The following AGFG1 variants were observed in gnomAD, a reference collection of about 807,000 sequenced individuals.
AGFG1 encodes the protein ArfGAP with FG repeats 1, also known as arf-GAP domain and FG repeat-containing protein 1.
AGFG1 carries 10 observed loss-of-function variants against 60.6 expected under a neutral mutation model. That is an observed-to-expected ratio of 0.16 (90% CI 0.10 to 0.28). The LOEUF is 0.28. Ranked by LOEUF, AGFG1 falls within the 10% of genes least tolerant of loss-of-function variation. The probability of loss-of-function intolerance (pLI) is 1.00; values close to 1 mark genes in which losing one functional copy is unlikely to be tolerated. For synonymous variants in AGFG1, 247 were observed against 242.9 expected, an observed-to-expected ratio of 1.02 and a Z score of -0.16; for missense variants, 537 against 676.5, an observed-to-expected ratio of 0.79 and a Z score of 2.29.
chr2:227,498,410 A>G (rs1691047567), intron 2 of AGFG1, among the ~76,000 whole-genome samples: 1 of 152,210 alleles, frequency 6.6e-6, no homozygotes, highest in South Asian at 2.1e-4. Context: ...AGCTTCCTAG[A>G]GGGATATCTC....
In AGFG1 at chr2:227,539,449, AAC is replaced by A. The variant is rs1313934809; in HGVS notation, c.1378+2458_1378+2459del. On this transcript the variant is annotated intron_variant, in intron 10 of 12. Transcript: ENST00000310078. ...CAGAGCAAGACTCTGTCTCAAAAAA[AAC>A]AAAAAACACATGTTAACACTGTGAA... is the stretch of plus-strand genomic sequence containing the variant. 9.8e-5 allele frequency among the ~76,000 whole-genome samples: 14 copies of A among 142,794 alleles called. 2 individuals carry two copies. The highest frequency in any genetic ancestry group is 3.3e-4 in the African/African-American group (13 of 38,888). The allele number at this position is 142,794 out of a possible 152,430, so 93.7% of individuals were successfully genotyped here.
At chr2:227,489,503 T>TGA (rs1258176697) in intron 1 of AGFG1, among the ~76,000 whole-genome samples, 1 of 152,012 alleles carries the variant, frequency 6.6e-6, no homozygotes, top group Non-Finnish European at 1.5e-5. Flanking sequence ...ATTACAGGTG[T>TGA]GAGCCACCAC....
chr2:227,503,141 G>T (rs1271283728), intron 2 of AGFG1, among the ~76,000 whole-genome samples: 1 of 151,912 alleles, frequency 6.6e-6, no homozygotes, highest in Non-Finnish European at 1.5e-5. Context: ...GCTGAGGTGG[G>T]GGGATCACCT....
chr2:227,506,758 CT>C (rs1349131040), intron 2 of AGFG1, among the ~76,000 whole-genome samples: 1 of 152,012 alleles, frequency 6.6e-6, no homozygotes, highest in Non-Finnish European at 1.5e-5. Flanking sequence ...CCTTTTAAGT[CT>C]TTTTTTATCC....
intron 10 of AGFG1, among the ~76,000 whole-genome samples, chr2:227,544,801 C>CTTG (rs1385674250): frequency 6.6e-6 from 1 of 152,158 alleles, no homozygotes; most frequent in Non-Finnish European, 1.5e-5. Context: ...TCTTTTCTGG[C>CTTG]TTGTAGAGTT....
At chr2:227,501,053 C>G (rs1048843323) in intron 2 of AGFG1, among the ~76,000 whole-genome samples, 4 of 151,974 alleles carry the variant, frequency 2.6e-5, no homozygotes, top group Admixed American at 6.5e-5. Flanking sequence ...CTCAGCCTCT[C>G]AAAGTGCTGG....
At chr2:227,478,278 A>C (rs985542589) in intron 1 of AGFG1, among the ~76,000 whole-genome samples, 2 of 150,924 alleles carry the variant, frequency 1.3e-5, no homozygotes, top group Non-Finnish European at 1.5e-5. Flanking sequence ...ATACATATAC[A>C]TGTATCTATT....
intron 1 of AGFG1, among the ~76,000 whole-genome samples, chr2:227,476,002 T>A (rs548857821): frequency 6.6e-5 from 10 of 152,360 alleles, no homozygotes; most frequent in East Asian, 5.8e-4. Context: ...TACCTTTTTT[T>A]AAAATAAATT....
At chr2:227,553,910 ACAT>A (rs1692895910) in intron 12 of AGFG1, 115 bp downstream of exon 12, 1 of 712,392 alleles carries the variant, frequency 1.4e-6, no homozygotes, top group Admixed American at 2.6e-5. Context: ...GATATGAGTG[ACAT>A]CATAAGATTG....
intron 2 of AGFG1, among the ~76,000 whole-genome samples, chr2:227,503,623 G>A (rs1691223079): frequency 6.6e-6 from 1 of 152,190 alleles, no homozygotes; most frequent in Non-Finnish European, 1.5e-5. Flanking sequence ...GGGAGTTGAT[G>A]ACTCAGTCAC....
chr2:227,546,566 C>G (rs1023577119), intron 10 of AGFG1, among the ~76,000 whole-genome samples: 1 of 152,238 alleles, frequency 6.6e-6, no homozygotes, highest in Non-Finnish European at 1.5e-5. Flanking sequence ...TCTTCTGCGT[C>G]ACTCACGCTG....
At chr2:227,536,231 CTTG>C (rs1692309671) in intron 8 of AGFG1, among the ~76,000 whole-genome samples, 1 of 119,802 alleles carries the variant, frequency 8.3e-6, no homozygotes, top group Admixed American at 1.2e-4. Context: ...ATGTGTTGTT[CTTG>C]TTGTTCAACT....
In AGFG1 at chr2:227,472,532, C is replaced by T. The variant is rs1233108714; in HGVS notation, c.111C>T (p.Pro37=). 2 of 1,583,126 alleles carry T rather than the reference C, an allele frequency of 1.3e-6. No individual in the cohort carries two copies. The highest frequency in any genetic ancestry group is 8.6e-7 in the Non-Finnish European group (1 of 1,164,508). Residue 37 remains proline, a synonymous_variant, in exon 1 of 13, where the codon CCC becomes CCT. Coordinates refer to ENST00000310078, the MANE Select transcript of AGFG1 (RefSeq NM_004504.5). The part of the protein sequence containing the change: ...RKCFDCDQRG[P]TYVNMTVGSF... ...GCTTCGACTGCGACCAGCGCGGCCC[C>T]ACCTACGTTAACATGACGGTCGGCT...
At chr2:227,540,969 T>A (rs1018313800) in intron 10 of AGFG1, among the ~76,000 whole-genome samples, 6 of 152,246 alleles carry the variant, frequency 3.9e-5, no homozygotes, top group African/African-American at 1.4e-4. Flanking sequence ...TTTCTTCATG[T>A]GTCTGTTGGC....
rs181559703 is a variant in AGFG1 at position 227,524,777 on chromosome 2, C to T, written c.556C>T (p.Arg186Cys). ...TGGTTTGTAGTCCCCAGTTGTAGGTCGTTCTCAAGGGCAGCAGCAGGAGAA... is the reference window on the plus strand; with the variant it reads ...TGGTTTGTAGTCCCCAGTTGTAGGTTGTTCTCAAGGGCAGCAGCAGGAGAA... Reference protein sequence around the residue: ...GTPSQSPVVGRSQGQQQEKKQ... With the variant: ...GTPSQSPVVGCSQGQQQEKKQ... Residue 186 changes from arginine (R) to cysteine (C), a missense_variant, in exon 5 of 13, where the codon CGT becomes TGT. Around this residue, in one of 4 missense-constraint regions of AGFG1, gnomAD observed 102 missense variants for 82.9 expected, o/e 1.23. Transcript: ENST00000310078. 1.6e-4 allele frequency: 263 copies of T among 1,614,068 alleles called. No homozygotes were observed. The highest frequency in any genetic ancestry group is 6.7e-5 in the East Asian group (3 of 44,880).
intron 10 of AGFG1, among the ~76,000 whole-genome samples, chr2:227,544,200 C>A (rs1156716729): frequency 1.5e-5 from 2 of 133,782 alleles, no homozygotes; most frequent in Admixed American, 1.8e-4. Flanking sequence ...TGTCACCCAG[C>A]CTGGAGTGCA....
Position 227,559,790 on chromosome 2 carries a change from A to T in AGFG1, c.*5295A>T, listed in dbSNP as rs1693084019. Reference sequence around the variant, plus strand: ...AACGCCAAGGAGCCTTCTAATTTTGACTATATGATCATTAACTAAAGGCAG... The same window carrying T: ...AACGCCAAGGAGCCTTCTAATTTTGTCTATATGATCATTAACTAAAGGCAG... On this transcript the variant is annotated 3_prime_UTR_variant, in exon 13 of 13. Coordinates refer to ENST00000310078, the MANE Select transcript of AGFG1 (RefSeq NM_004504.5). 6.6e-6 allele frequency: 1 copy of T among 152,188 alleles called. No individual in the cohort carries two copies. Among genetic ancestry groups the T allele is most frequent in the Admixed American group, 6.6e-5 (1 of 15,266 alleles). The allele number at this position is 152,188 out of a possible 1,614,324, so 9.4% of individuals were successfully genotyped here. A position where few individuals can be genotyped will look rare whatever the true frequency, so the allele number is the denominator to read the frequency against.
intron 6 of AGFG1, among the ~76,000 whole-genome samples, chr2:227,531,713 G>A (rs924087041): frequency 1.3e-5 from 2 of 151,776 alleles, no homozygotes; most frequent in African/African-American, 4.8e-5. Context: ...GATTACAGGT[G>A]TGAGCCACTG....
chr2:227,481,191 A>C (rs1428667228), intron 1 of AGFG1, among the ~76,000 whole-genome samples: 3 of 147,258 alleles, frequency 2.0e-5, no homozygotes, highest in African/African-American at 7.6e-5. Flanking sequence ...TTTTTGGGGA[A>C]TATAAAAGCC....
Sources: gnomAD v4.1 joint callset for allele counts (sites outside exome capture counted in the v4.1 genomes callset) on GRCh38, gnomAD v4.1.1 for gene constraint, gnomAD v4.1.1 regional missense constraint, MANE v1.5 for transcripts, NCBI Gene and HGNC (gene_info 2026-07-23, HGNC 2026-07-21) for gene names.